Variants in CIAPIN1 observed in about 807,000 individuals in gnomAD.
CIAPIN1 encodes anamorsin.
Under a neutral mutation model 34.3 loss-of-function variants are expected in CIAPIN1, and 18 were observed. The ratio of observed to expected loss-of-function variants is 0.52; its 90% CI spans 0.36 to 0.78. The LOEUF is 0.78. Ranked by LOEUF, CIAPIN1 falls within the 30% of genes least tolerant of loss-of-function variation. The pLI is 0.00. For missense variants in CIAPIN1, 310 were observed against 372.5 expected, an observed-to-expected ratio of 0.83 and a Z score of 1.38; for synonymous variants, 131 against 140.4, an observed-to-expected ratio of 0.93 and a Z score of 0.47.
chr16:57,435,865 G>GCTAT (rs74275997), intron 4 of CIAPIN1, among the ~76,000 whole-genome samples: 7,555 of 152,262 alleles, frequency 0.05, 277 homozygotes, highest in African/African-American at 0.1. Context: ...AGGCACAACA[G>GCTAT]CTATCATGCT....
At chr16:57,431,080 C>G in intron 7 of CIAPIN1, 71 bp downstream of exon 7, 3 of 835,886 alleles carry the variant, frequency 3.6e-6, no homozygotes, top group South Asian at 3.0e-5. Context: ...AAAAATAGTA[C>G]AGCACCGCGA....
At chr16:57,430,666 T>C (rs895018316) in intron 7 of CIAPIN1, 1 of 308,382 alleles carries the variant, frequency 3.2e-6, no homozygotes, top group Non-Finnish European at 6.0e-6. Context: ...GTGTTTTCAC[T>C]TGAAATTTCC....
chr16:57,445,361 G>A (rs1325122090), intron 1 of CIAPIN1, among the ~76,000 whole-genome samples: 7 of 152,154 alleles, frequency 4.6e-5, no homozygotes, highest in Admixed American at 4.6e-4. Flanking sequence ...ACAAAGATTA[G>A]CTGGGCATGG....
At chr16:57,442,578 G>C (rs2029893542) in intron 1 of CIAPIN1, among the ~76,000 whole-genome samples, 1 of 151,944 alleles carries the variant, frequency 6.6e-6, no homozygotes, top group Admixed American at 6.6e-5. Flanking sequence ...CCCAGCTACT[G>C]GGGTGGAGGA....
chr16:57,440,644 C>T, intron 2 of CIAPIN1, 128 bp downstream of exon 2: 1 of 1,023,298 alleles, frequency 9.8e-7, no homozygotes, highest in Admixed American at 2.4e-5. Flanking sequence ...TGAAAAACAA[C>T]AGGGTGACCA....
chr16:57,432,535 A>C lies in CIAPIN1; in HGVS notation c.582T>G (p.Ala194=), dbSNP rs1903111136. ...TGGCTGAGAGGGTCCACAGCTTGGC[A>C]GCAGCAGGGTCCACAGCAGGTTTCA... ...PSVKPAVDPA[A]AKLWTLSAND... The change falls in exon 6 of 9, where the codon GCT becomes GCG. Residue 194 remains alanine, a synonymous_variant. Coordinates refer to ENST00000394391, the MANE Select transcript of CIAPIN1 (RefSeq NM_020313.4). 6.2e-7 allele frequency: 1 copy of C among 1,613,034 alleles called. No individual in the cohort carries two copies. The highest frequency in any genetic ancestry group is 1.3e-5 in the African/African-American group (1 of 74,900).
At position 57,429,259 on chromosome 16, in the gene CIAPIN1, G is replaced by A. The variant is rs771140310; in HGVS notation, c.850C>T (p.Arg284Cys). Reference protein sequence around the residue: ...CGNCYLGDAFRCASCPYLGMP... With the variant: ...CGNCYLGDAFCCASCPYLGMP... ...CCAAGGTAGGGGCAGCTGGCACAGC[G>A]GAAGGCATCGCCCAGGTAGCACTGG... is the stretch of plus-strand genomic sequence containing the variant. Residue 284 changes from arginine to cysteine, a missense_variant, in exon 9 of 9, where the codon CGC (arginine) becomes TGC (cysteine). Coordinates refer to ENST00000394391, the MANE Select transcript of CIAPIN1 (RefSeq NM_020313.4). 55 of 1,613,868 alleles carry A rather than the reference G, an allele frequency of 3.4e-5. No individual in the cohort carries two copies. The highest frequency in any genetic ancestry group is 7.7e-5 in the South Asian group (7 of 91,082).
intron 1 of CIAPIN1, among the ~76,000 whole-genome samples, chr16:57,443,922 T>C (rs1179752017): frequency 1.3e-5 from 2 of 151,554 alleles, no homozygotes; most frequent in Non-Finnish European, 1.5e-5. Context: ...GGCATTAAGT[T>C]ATAAGAAAAA....
At chr16:57,440,672 C>T in intron 2 of CIAPIN1, 100 bp downstream of exon 2, 1 of 1,343,494 alleles carries the variant, frequency 7.4e-7, no homozygotes, top group Non-Finnish European at 1.0e-6. Flanking sequence ...CTATCACATG[C>T]CACCCTAAAT....
At chr16:57,442,260 C>T (rs554314007) in intron 1 of CIAPIN1, among the ~76,000 whole-genome samples, 43 of 152,034 alleles carry the variant, frequency 2.8e-4, no homozygotes, top group African/African-American at 9.2e-4. Flanking sequence ...GAAGGAGAAT[C>T]GCTTGAACCT....
In CIAPIN1 at chr16:57,439,273, A is replaced by G. The variant is rs775960569; in HGVS notation, c.219T>C (p.Thr73=). 1 of 1,614,116 alleles carries G rather than the reference A, an allele frequency of 6.2e-7. No individual in the cohort carries two copies. Among genetic ancestry groups the G allele is most frequent in the Non-Finnish European group, 8.5e-7 (1 of 1,180,044 alleles). The change falls in exon 3 of 9, where the codon ACT becomes ACC. Residue 73 remains threonine (T), a synonymous_variant. Transcript: ENST00000394391. ...CAGCCAAAATCTCAGCACTGTGCAG[A>G]GTGGTGCTTCCTGGGACTAAACCTG... ...ILSGLVPGST[T]LHSAEILAEI...
In CIAPIN1 at chr16:57,430,447, A is replaced by G. The variant is rs1903062090; in HGVS notation, c.747-108T>C. 7 of 983,888 alleles carry G rather than the reference A, an allele frequency of 7.1e-6. No homozygotes were observed. The East Asian group carries it at 1.7e-4, about 24-fold the overall frequency. The allele number at this position is 983,888 out of a possible 1,614,324, so 60.9% of individuals were successfully genotyped here. A position where few individuals can be genotyped will look rare whatever the true frequency, so the allele number is the denominator to read the frequency against. On this transcript the variant is annotated intron_variant, in intron 7 of 8. Coordinates refer to ENST00000394391, the MANE Select transcript of CIAPIN1 (RefSeq NM_020313.4). Reference sequence around the variant, plus strand: ...AGCCTTTTCTCTTCACACCAGTGTCATAACTCAGAAGCCTATAGGCCAGGC... The same window carrying G: ...AGCCTTTTCTCTTCACACCAGTGTCGTAACTCAGAAGCCTATAGGCCAGGC...
At position 57,429,227 on chromosome 16, in the gene CIAPIN1, T is replaced by C; in HGVS notation, c.882A>G (p.Pro294=). The change falls in exon 9 of 9, where the codon CCA becomes CCG. Residue 294 remains proline, a synonymous_variant. Transcript: ENST00000394391. ...GCACCTTTTCCCCAGGTTTGAAGGC[T>C]GGCATCCCAAGGTAGGGGCAGCTGG... is the stretch of plus-strand genomic sequence containing the variant. The part of the protein sequence containing the change: ...RCASCPYLGM[P]AFKPGEKVLL... 6.2e-7 allele frequency: 1 copy of C among 1,613,930 alleles called. No individual in the cohort carries two copies. Among genetic ancestry groups the C allele is most frequent in the East Asian group, 2.2e-5 (1 of 44,878 alleles).
chr16:57,431,769 T>G (rs1248174040), intron 6 of CIAPIN1, among the ~76,000 whole-genome samples: 1 of 152,226 alleles, frequency 6.6e-6, no homozygotes, highest in Admixed American at 6.5e-5. Context: ...CTCACTTATT[T>G]TGCTCACTAC....
At position 57,428,380 on chromosome 16, in the gene CIAPIN1, C is replaced by G. The variant is rs1166289009; in HGVS notation, c.*790G>C. ...TGCTTCCCTCTAAATGCTCACCAACCTGGACTCTTCTAAAGTGGGCAGACA... is the reference window on the plus strand; with the variant it reads ...TGCTTCCCTCTAAATGCTCACCAACGTGGACTCTTCTAAAGTGGGCAGACA... On this transcript the variant is annotated 3_prime_UTR_variant, in exon 9 of 9. Coordinates refer to ENST00000394391, the MANE Select transcript of CIAPIN1 (RefSeq NM_020313.4). The G allele has an allele frequency of 2.0e-5, 3 of 152,182 alleles. No individual in the cohort carries two copies. The highest frequency in any genetic ancestry group is 7.2e-5 in the African/African-American group (3 of 41,422). 9.4% of individuals were successfully genotyped at this position (152,182 alleles called of 1,614,324 possible).
In CIAPIN1 at chr16:57,446,951, G is replaced by A. The variant is rs957284676; in HGVS notation, c.-56+391C>T. Reference sequence around the variant, plus strand: ...GCCAGGAACCCCCAGGGACCAAAACGTCACGGGGACTGAGGCCCAAGGTCA... The same window carrying A: ...GCCAGGAACCCCCAGGGACCAAAACATCACGGGGACTGAGGCCCAAGGTCA... On this transcript the variant is annotated intron_variant, in intron 1 of 8. Coordinates refer to ENST00000394391, the MANE Select transcript of CIAPIN1 (RefSeq NM_020313.4). Among the ~76,000 whole-genome samples the A allele has an allele frequency of 2.0e-5, 3 of 152,178 alleles. No homozygotes were observed. The South Asian group carries it at 6.2e-4, about 31-fold the overall frequency.
At chr16:57,431,578 G>C (rs1050912763) in intron 6 of CIAPIN1, 5 of 194,474 alleles carry the variant, frequency 2.6e-5, no homozygotes, top group Non-Finnish European at 2.1e-5. Flanking sequence ...CAGGAGTGGG[G>C]AGAAGGGAGG....
chr16:57,445,848 T>G (rs1329407375), intron 1 of CIAPIN1, among the ~76,000 whole-genome samples: 31 of 135,084 alleles, frequency 2.3e-4, no homozygotes, highest in Middle Eastern at 7.2e-3. Flanking sequence ...TTTTTTTTTT[T>G]TTTTTTTTTT....
At chr16:57,443,639 G>T (rs1208550133) in intron 1 of CIAPIN1, among the ~76,000 whole-genome samples, 1 of 152,138 alleles carries the variant, frequency 6.6e-6, no homozygotes, top group Non-Finnish European at 1.5e-5. Context: ...TGTATTTTTA[G>T]TAGCAACAGA....
Sources: allele counts gnomAD v4.1 joint callset (sites outside exome capture counted in the v4.1 genomes callset), GRCh38; gene constraint gnomAD v4.1.1; transcripts MANE v1.5; gene names NCBI Gene and HGNC (gene_info 2026-07-23, HGNC 2026-07-21).